The following CNTN5 variants were observed in gnomAD, a reference collection of about 807,000 sequenced individuals.
CNTN5 encodes contactin-5.
In CNTN5, 77 loss-of-function variants were observed where a neutral mutation model predicts 129.1. That is an observed-to-expected ratio of 0.60 (90% CI 0.50 to 0.72). The LOEUF is 0.72. CNTN5 is among the 30% of genes least tolerant of loss of function. The pLI is 0.00. For synonymous variants in CNTN5, 509 were observed against 465.6 expected (o/e 1.09, Z -1.20); for missense variants, 1,478 against 1,328.8 (o/e 1.11, Z -1.75).
At chr11:100,090,565 T>TC (rs1944742561) in intron 13 of CNTN5, among the ~76,000 whole-genome samples, 5 of 78,450 alleles carry the variant, frequency 6.4e-5, no homozygotes, top group East Asian at 1.0e-3. Flanking sequence ...CCTCCCTCCC[T>TC]CCTTCCTTCC....
chr11:99,497,009 G>A (rs1024420939), intron 2 of CNTN5, among the ~76,000 whole-genome samples: 14 of 152,152 alleles, frequency 9.2e-5, no homozygotes, highest in Non-Finnish European at 1.6e-4. Flanking sequence ...TATTCTCATA[G>A]AGCTTAATTT....
chr11:100,112,884 T>C (rs142432320), intron 13 of CNTN5, among the ~76,000 whole-genome samples: 234 of 152,256 alleles, frequency 1.5e-3, no homozygotes, highest in African/African-American at 5.4e-3. Context: ...ATGTTATGAC[T>C]GAAAATTAAG....
chr11:100,090,473 C>CTG (rs1430660017), intron 13 of CNTN5, among the ~76,000 whole-genome samples: 1 of 120,732 alleles, frequency 8.3e-6, no homozygotes, highest in African/African-American at 3.5e-5. Context: ...CTTTCTTTTT[C>CTG]TCTCTTTCCC....
intron 2 of CNTN5, among the ~76,000 whole-genome samples, chr11:99,534,184 G>A (rs1021968243): frequency 5.3e-5 from 8 of 152,082 alleles, no homozygotes; most frequent in Non-Finnish European, 7.4e-5. Flanking sequence ...TACTTTTTGC[G>A]ACTTGGTCAA....
At chr11:99,224,549 G>A in intron 1 of CNTN5, among the ~76,000 whole-genome samples, 1 of 152,014 alleles carries the variant, frequency 6.6e-6, no homozygotes, top group East Asian at 1.9e-4. Flanking sequence ...TGTAGCACGG[G>A]CGTCATTACT....
chr11:99,357,765 T>C (rs1938782977), intron 2 of CNTN5, among the ~76,000 whole-genome samples: 1 of 152,060 alleles, frequency 6.6e-6, no homozygotes, highest in South Asian at 2.1e-4. Flanking sequence ...AAATTAGGTA[T>C]AGAAAATTAG....
At chr11:99,866,783 C>T (rs1948368249) in intron 6 of CNTN5, among the ~76,000 whole-genome samples, 1 of 152,190 alleles carries the variant, frequency 6.6e-6, no homozygotes, top group African/African-American at 2.4e-5. Flanking sequence ...GCGCTAAGGT[C>T]AGACTACATT....
chr11:99,810,480 T>C (rs1946396663), intron 3 of CNTN5, among the ~76,000 whole-genome samples: 1 of 152,160 alleles, frequency 6.6e-6, no homozygotes, highest in Non-Finnish European at 1.5e-5. Flanking sequence ...CCTCTGCATA[T>C]GCTTTTTGCT....
At chr11:99,811,514 T>C (rs1268367614) in intron 3 of CNTN5, among the ~76,000 whole-genome samples, 1 of 149,348 alleles carries the variant, frequency 6.7e-6, no homozygotes, top group Admixed American at 6.7e-5. Context: ...TAATATTTTG[T>C]TAATATTATT....
chr11:99,774,960 T>C (rs1228275635), intron 3 of CNTN5, among the ~76,000 whole-genome samples: 1 of 152,138 alleles, frequency 6.6e-6, no homozygotes, highest in Admixed American at 6.6e-5. Flanking sequence ...ATCTATTTTA[T>C]AATCACTTGA....
intron 2 of CNTN5, among the ~76,000 whole-genome samples, chr11:99,490,524 G>C (rs7937370): frequency 6.6e-6 from 1 of 152,096 alleles, no homozygotes; most frequent in African/African-American, 2.4e-5. Flanking sequence ...TTCAGTGTGC[G>C]TTCCTCAGAA....
intron 1 of CNTN5, among the ~76,000 whole-genome samples, chr11:99,043,118 T>A (rs1455871347): frequency 6.6e-6 from 1 of 152,232 alleles, no homozygotes; most frequent in East Asian, 1.9e-4. Context: ...ATATGTTTTT[T>A]AAACAACATT....
At chr11:100,308,951 T>C (rs1951413232) in intron 21 of CNTN5, 2 of 984,828 alleles carry the variant, frequency 2.0e-6, no homozygotes, top group Admixed American at 1.2e-4. Flanking sequence ...GTTGCTATTT[T>C]TAAACATAGT....
At chr11:99,957,291 C>T (rs11222039) in intron 8 of CNTN5, among the ~76,000 whole-genome samples, 10,714 of 152,148 alleles carry the variant, frequency 0.07, 777 homozygotes, top group East Asian at 0.32. Flanking sequence ...ATAAATACTC[C>T]ACAGTTCTTT....
intron 1 of CNTN5, among the ~76,000 whole-genome samples, chr11:99,068,858 A>C (rs1322062146): frequency 6.6e-6 from 1 of 152,202 alleles, no homozygotes; most frequent in Non-Finnish European, 1.5e-5. Context: ...GATTTCTAGA[A>C]GTTTGAAAAT....
Position 99,315,320 on chromosome 11 carries a change from C to T in CNTN5, c.-209-10026C>T, listed in dbSNP as rs1240750535. ...AGGGAAGCCTACAAATGCTTCTGTT[C>T]CTAAGTGTGCCACTGTAGGCTTGTT... On this transcript the variant is annotated intron_variant, in intron 1 of 24. Transcript: ENST00000524871. Among the ~76,000 whole-genome samples, 4 of 149,528 alleles carry T rather than the reference C, an allele frequency of 2.7e-5. No individual in the cohort carries two copies. In the South Asian group the frequency reaches 8.6e-4, roughly 32 times the overall value.
intron 2 of CNTN5, among the ~76,000 whole-genome samples, chr11:99,439,719 A>AG (rs1283796485): frequency 1.4e-4 from 21 of 149,182 alleles, no homozygotes; most frequent in Non-Finnish European, 2.7e-4. Context: ...AAAAAAAAAA[A>AG]AAAAAAGAAA....
chr11:99,350,906 A>T (rs1938252141), intron 2 of CNTN5, among the ~76,000 whole-genome samples: 1 of 152,074 alleles, frequency 6.6e-6, no homozygotes, highest in African/African-American at 2.4e-5. Flanking sequence ...CTAGCATTTT[A>T]CTTTGAAATA....
At chr11:100,211,079 G>C (rs1689507521) in intron 15 of CNTN5, among the ~76,000 whole-genome samples, 1 of 152,176 alleles carries the variant, frequency 6.6e-6, no homozygotes, top group South Asian at 2.1e-4. Flanking sequence ...GAGACCAGTT[G>C]TAAAATGTCA....
Sources: allele counts gnomAD v4.1 joint callset (sites outside exome capture counted in the v4.1 genomes callset), GRCh38; gene constraint gnomAD v4.1.1; transcripts MANE v1.5; gene names NCBI Gene and HGNC (gene_info 2026-07-23, HGNC 2026-07-21).